The following ACTR3 variants were observed in gnomAD, a reference collection of about 807,000 sequenced individuals.
ACTR3 encodes actin related protein 3.
A neutral mutation model predicts 56.8 loss-of-function variants in ACTR3; 12 were observed. The ratio of observed to expected loss-of-function variants is 0.21; its 90% CI spans 0.14 to 0.34. The LOEUF is 0.34. ACTR3 is among the 10% of genes least tolerant of loss of function. The pLI, the probability that ACTR3 is intolerant of heterozygous loss-of-function variation, is 1.00. For synonymous variants in ACTR3, 162 were observed against 167.4 expected, an observed-to-expected ratio of 0.97 and a Z score of 0.25; for missense variants, 282 against 512.5, an observed-to-expected ratio of 0.55 and a Z score of 4.34.
chr2:113,907,696 C>T (rs914174389), intron 1 of ACTR3, among the ~76,000 whole-genome samples: 5 of 151,974 alleles, frequency 3.3e-5, no homozygotes, highest in African/African-American at 4.8e-5. Flanking sequence ...TTGTTGGCCA[C>T]GCACGGTGGC....
chr2:113,960,567 GATT>G lies in ACTR3; in HGVS notation c.*3116_*3118del, dbSNP rs1680307874. ...AGAATGTTTATAAAATTATTGAGAA[GATT>G]ATTTGTGTTATAAAGCTTATTTGTA... On this transcript the variant is annotated 3_prime_UTR_variant, in exon 12 of 12. Transcript: ENST00000263238. 1 of 151,942 alleles carries G rather than the reference GATT, an allele frequency of 6.6e-6. No individual in the cohort carries two copies. The highest frequency in any genetic ancestry group is 1.5e-5 in the Non-Finnish European group (1 of 67,884). 9.4% of individuals were successfully genotyped at this position (151,942 alleles called of 1,614,324 possible).
chr2:113,954,911 A>G (rs185482299), intron 10 of ACTR3: 1 of 152,160 alleles, frequency 6.6e-6, no homozygotes, highest in African/African-American at 2.4e-5. Context: ...ATACATCTAT[A>G]TCTAATTCTC....
At chr2:113,900,484 C>T (rs900444801) in intron 1 of ACTR3, among the ~76,000 whole-genome samples, 7 of 151,908 alleles carry the variant, frequency 4.6e-5, no homozygotes, top group African/African-American at 1.7e-4. Context: ...ACTGGGAAAA[C>T]GTTGAGAATC....
At chr2:113,955,550 A>C (rs570536464) in intron 10 of ACTR3, 73 bp from the exon 11 acceptor site, 19 of 1,125,790 alleles carry the variant, frequency 1.7e-5, no homozygotes, top group Admixed American at 1.3e-4. Flanking sequence ...GTATATGTAC[A>C]TTTAAGGTTA....
chr2:113,934,796 A>G (rs1465592437), intron 6 of ACTR3, among the ~76,000 whole-genome samples: 1 of 152,198 alleles, frequency 6.6e-6, no homozygotes, highest in Non-Finnish European at 1.5e-5. Flanking sequence ...TACTTAATAA[A>G]GCATATTAAG....
chr2:113,928,343 T>G (rs573815007), intron 4 of ACTR3, among the ~76,000 whole-genome samples: 2 of 152,370 alleles, frequency 1.3e-5, no homozygotes, highest in South Asian at 4.1e-4. Flanking sequence ...CACTTCATTT[T>G]AGTTTTTAAA....
In ACTR3 at chr2:113,942,236, T is replaced by C. The variant is rs1198968498; in HGVS notation, c.735T>C (p.Tyr245=). ...ATTTAGTAAAAGAATTTAACAAGTA[T>C]GATACAGATGGGTCAAAATGGATTA... ...CPDLVKEFNK[Y]DTDGSKWIKQ... Residue 245 remains tyrosine (Y), a synonymous_variant, in exon 8 of 12, where the codon TAT becomes TAC. Coordinates refer to ENST00000263238, the MANE Select transcript of ACTR3 (RefSeq NM_005721.5). The C allele has an allele frequency of 3.8e-6, 6 of 1,598,154 alleles. No homozygotes were observed. In the African/African-American group the frequency reaches 4.1e-5, roughly 11 times the overall value.
intron 8 of ACTR3, among the ~76,000 whole-genome samples, chr2:113,948,772 A>G (rs879708465): frequency 6.6e-6 from 1 of 151,936 alleles, no homozygotes; most frequent in Non-Finnish European, 1.5e-5. Context: ...AGTTATATAA[A>G]TCTCTTCTCA....
Position 113,958,240 on chromosome 2 carries a change from G to T in ACTR3, c.*785G>T, listed in dbSNP as rs1484131062. On this transcript the variant is annotated 3_prime_UTR_variant, in exon 12 of 12. Coordinates refer to ENST00000263238, the MANE Select transcript of ACTR3 (RefSeq NM_005721.5). ...TTTAAAGCCTAACATTCTAATAAAG[G>T]CACAAATTTCTTTTTAATACTTGTT... 6.6e-6 allele frequency: 1 copy of T among 152,464 alleles called. No homozygotes were observed. Among genetic ancestry groups the T allele is most frequent in the Admixed American group, 6.6e-5 (1 of 15,242 alleles). 9.4% of individuals were successfully genotyped at this position (152,464 alleles called of 1,614,324 possible). A position where few individuals can be genotyped will look rare whatever the true frequency, so the allele number is the denominator to read the frequency against.
At position 113,958,562 on chromosome 2, in the gene ACTR3, G is replaced by C. The variant is rs1372271530; in HGVS notation, c.*1107G>C. 6.6e-6 allele frequency: 1 copy of C among 151,302 alleles called. No individual in the cohort carries two copies. The highest frequency in any genetic ancestry group is 1.5e-5 in the Non-Finnish European group (1 of 67,742). The allele number at this position is 151,302 out of a possible 1,614,324, so 9.4% of individuals were successfully genotyped here. A position where few individuals can be genotyped will look rare whatever the true frequency, so the allele number is the denominator to read the frequency against. On this transcript the variant is annotated 3_prime_UTR_variant, in exon 12 of 12. Coordinates refer to ENST00000263238, the MANE Select transcript of ACTR3 (RefSeq NM_005721.5). ...AAAATATCTGGATTATGAAGAAAAA[G>C]TGATGAAAATAAATTAAAACTGAAT...
At chr2:113,906,134 T>C (rs2104587278) in intron 1 of ACTR3, among the ~76,000 whole-genome samples, 1 of 152,354 alleles carries the variant, frequency 6.6e-6, no homozygotes, top group Admixed American at 6.5e-5. Context: ...GGTTTCAGTT[T>C]CTTTACATCT....
chr2:113,905,720 T>C (rs1679180189), intron 1 of ACTR3, among the ~76,000 whole-genome samples: 1 of 152,170 alleles, frequency 6.6e-6, no homozygotes, highest in Non-Finnish European at 1.5e-5. Context: ...ATTTGACTTT[T>C]CTAGGTACCT....
In ACTR3 at chr2:113,897,652, G is replaced by A. The variant is rs150230412; in HGVS notation, c.44+7329G>A. 1.7e-4 allele frequency among the ~76,000 whole-genome samples: 25 copies of A among 150,766 alleles called. 1 individual carries two copies. In the East Asian group the frequency reaches 4.1e-3, roughly 25 times the overall value. ...AGCTATTCTTCTGCCTCAGCCTCCCGAGTAGCTGGAATTATAGGCACCCGC... is the reference window on the plus strand; with the variant it reads ...AGCTATTCTTCTGCCTCAGCCTCCCAAGTAGCTGGAATTATAGGCACCCGC... On this transcript the variant is annotated intron_variant, in intron 1 of 11. Coordinates refer to ENST00000263238, the MANE Select transcript of ACTR3 (RefSeq NM_005721.5).
intron 1 of ACTR3, chr2:113,905,227 A>G (rs1679171428): frequency 6.6e-6 from 1 of 152,014 alleles, no homozygotes; most frequent in Non-Finnish European, 1.5e-5. Context: ...CTTGGTGGTA[A>G]CTGCTGAGGC....
rs537309064 is a variant in ACTR3, at chr2:113,931,764, G to A, written c.432+368G>A. Among the ~76,000 whole-genome samples the A allele has an allele frequency of 7.9e-5, 12 of 151,586 alleles. No individual in the cohort carries two copies. In the South Asian group the frequency reaches 2.5e-3, roughly 32 times the overall value. ...CTTATAAATCTTTTTGTCCTTTATT[G>A]TAGTCTTTTTTGATTGACTTATCTT... On this transcript the variant is annotated intron_variant, in intron 5 of 11. Transcript: ENST00000263238.
chr2:113,937,304 C>T (rs1476319661), intron 6 of ACTR3, among the ~76,000 whole-genome samples: 2 of 152,138 alleles, frequency 1.3e-5, no homozygotes, highest in African/African-American at 4.8e-5. Context: ...CGGGGTTTCA[C>T]CATGTTGCTC....
chr2:113,901,899 A>G (rs969300040), intron 1 of ACTR3, among the ~76,000 whole-genome samples: 69 of 152,210 alleles, frequency 4.5e-4, no homozygotes, highest in South Asian at 2.1e-4. Context: ...AGCATTTGCA[A>G]TTTGTAAAAT....
In ACTR3 at chr2:113,890,296, C is replaced by T. The variant is rs2104573889; in HGVS notation, c.17C>T (p.Pro6Leu). The T allele has an allele frequency of 2.3e-6, 3 of 1,282,750 alleles. No individual in the cohort carries two copies. The highest frequency in any genetic ancestry group is 3.1e-6 in the Non-Finnish European group (3 of 982,060). 79.5% of individuals were successfully genotyped at this position (1,282,750 alleles called of 1,614,324 possible). MAGRL[P>L]ACVVDCGTGY... is the part of the protein sequence containing the mutation. ...AGGAGGAAGATGGCGGGACGGCTGC[C>T]GGCCTGTGTGGTGGACTGTGGCACG... is the stretch of plus-strand genomic sequence containing the variant. Residue 6 changes from proline to leucine, a missense_variant, in exon 1 of 12, where the codon CCG (proline) becomes CTG (leucine). Physicochemically the swap from Pro to Leu is moderately conservative, Grantham distance 98. Coordinates refer to ENST00000263238, the MANE Select transcript of ACTR3 (RefSeq NM_005721.5).
In ACTR3 at chr2:113,962,120, T is replaced by C. The variant is rs1289134857; in HGVS notation, c.*4665T>C. On this transcript the variant is annotated 3_prime_UTR_variant, in exon 12 of 12. Transcript: ENST00000263238. ...AACTTTTGTTCCTTCAAAATACCCA[T>C]ATTTGTCAAATATGACCGAATTACG... 6.6e-6 allele frequency: 1 copy of C among 152,036 alleles called. No homozygotes were observed. Among genetic ancestry groups the C allele is most frequent in the Admixed American group, 6.6e-5 (1 of 15,240 alleles). The allele number at this position is 152,036 out of a possible 1,614,324, so 9.4% of individuals were successfully genotyped here. A position where few individuals can be genotyped will look rare whatever the true frequency, so the allele number is the denominator to read the frequency against.
Sources: allele counts gnomAD v4.1 joint callset (sites outside exome capture counted in the v4.1 genomes callset), GRCh38; gene constraint gnomAD v4.1.1; transcripts MANE v1.5; gene names NCBI Gene and HGNC (gene_info 2026-07-23, HGNC 2026-07-21).